The following NEDD4L variants were observed in gnomAD, a reference collection of about 807,000 sequenced individuals.
NEDD4L encodes E3 ubiquitin-protein ligase NEDD4-like.
In NEDD4L, 54 loss-of-function variants were observed where a neutral mutation model predicts 148.9. That is an observed-to-expected ratio of 0.36 (90% confidence interval 0.29 to 0.45). The LOEUF (loss-of-function observed/expected upper bound fraction) is 0.45, where lower values mean the gene tolerates loss of function less well. Ranked by LOEUF, NEDD4L falls within the 20% of genes least tolerant of loss-of-function variation. The pLI, the probability that NEDD4L is intolerant of heterozygous loss-of-function variation, is 1.00. For synonymous variants in NEDD4L, 433 were observed against 440.7 expected (o/e 0.98, Z 0.22); for missense variants, 856 against 1,233.8 (o/e 0.69, Z 4.59).
At chr18:58,354,101 G>T (rs2044275847) in intron 18 of NEDD4L, among the ~76,000 whole-genome samples, 1 of 152,190 alleles carries the variant, frequency 6.6e-6, no homozygotes, top group Admixed American at 6.5e-5. Context: ...TCCTTTGTTT[G>T]CTGTCTATGG....
At chr18:58,276,678 TATA>T (rs200793115) in intron 5 of NEDD4L, among the ~76,000 whole-genome samples, 3,739 of 141,080 alleles carry the variant, frequency 0.027, 150 homozygotes, top group African/African-American at 0.098. Flanking sequence ...TGTGGTCAGC[TATA>T]ATAATAATAA....
At chr18:58,303,282 T>G (rs574158342) in intron 5 of NEDD4L, among the ~76,000 whole-genome samples, 19 of 152,312 alleles carry the variant, frequency 1.2e-4, no homozygotes, top group African/African-American at 3.8e-4. Context: ...TCATTCTTAT[T>G]GTTTTTGGTA....
At chr18:58,225,320 A>G (rs768240388) in intron 2 of NEDD4L, among the ~76,000 whole-genome samples, 5 of 152,196 alleles carry the variant, frequency 3.3e-5, no homozygotes, top group Non-Finnish European at 5.9e-5. Flanking sequence ...GTTTAGCAAT[A>G]ACCAGGTTAG....
chr18:58,237,011 G>A (rs1002390284), intron 2 of NEDD4L, among the ~76,000 whole-genome samples: 4 of 151,394 alleles, frequency 2.6e-5, no homozygotes, highest in African/African-American at 9.7e-5. Context: ...CACCAATAGC[G>A]AAACTCCATC....
intron 5 of NEDD4L, among the ~76,000 whole-genome samples, chr18:58,315,682 T>G (rs1023545553): frequency 2.0e-5 from 3 of 152,180 alleles, no homozygotes; most frequent in African/African-American, 7.2e-5. Context: ...GGCCCAGCTG[T>G]GCCCTCAAAC....
At chr18:58,101,358 C>T (rs980263350) in intron 1 of NEDD4L, among the ~76,000 whole-genome samples, 1 of 152,182 alleles carries the variant, frequency 6.6e-6, no homozygotes, top group Non-Finnish European at 1.5e-5. Flanking sequence ...ATGTCCTCCT[C>T]AGGGTCTGTG....
intron 3 of NEDD4L, among the ~76,000 whole-genome samples, chr18:58,248,382 A>G (rs899782984): frequency 3.9e-5 from 6 of 152,234 alleles, no homozygotes; most frequent in Non-Finnish European, 8.8e-5. Context: ...GGAGAAAAAA[A>G]TAATTCACTT....
intron 2 of NEDD4L, among the ~76,000 whole-genome samples, chr18:58,231,941 C>T (rs1300122435): frequency 6.6e-6 from 1 of 152,170 alleles, no homozygotes; most frequent in South Asian, 2.1e-4. Context: ...AAAGGAAGGA[C>T]CCTGTGTTCT....
intron 1 of NEDD4L, among the ~76,000 whole-genome samples, chr18:58,135,623 A>G (rs1165470578): frequency 6.6e-6 from 1 of 152,262 alleles, no homozygotes; most frequent in Non-Finnish European, 1.5e-5. Context: ...CCTTTGGCAT[A>G]CTTGGCCACA....
At chr18:58,203,615 T>G (rs2041662376) in intron 2 of NEDD4L, among the ~76,000 whole-genome samples, 1 of 57,446 alleles carries the variant, frequency 1.7e-5, no homozygotes, top group Non-Finnish European at 2.8e-5. Context: ...ACAGATGATC[T>G]TTTTTTTTTT....
At chr18:58,093,852 A>G (rs528045904) in intron 1 of NEDD4L, among the ~76,000 whole-genome samples, 2 of 152,366 alleles carry the variant, frequency 1.3e-5, no homozygotes, top group East Asian at 3.9e-4. Flanking sequence ...GAGGAATTAT[A>G]CTGTCCATTG....
intron 1 of NEDD4L, among the ~76,000 whole-genome samples, chr18:58,092,846 C>T (rs371843254): frequency 2.7e-5 from 4 of 150,552 alleles, no homozygotes; most frequent in African/African-American, 9.8e-5. Context: ...CCATGTACTC[C>T]CTCTCTCTCT....
At chr18:58,071,696 TATAAA>T (rs1293191806) in intron 1 of NEDD4L, among the ~76,000 whole-genome samples, 1 of 152,228 alleles carries the variant, frequency 6.6e-6, no homozygotes, top group East Asian at 1.9e-4. Context: ...CTGAGTAATT[TATAAA>T]GGAAAGAGGT....
Position 58,300,859 on chromosome 18 carries a change from A to G in NEDD4L, c.298-15123A>G, listed in dbSNP as rs564042170. Among the ~76,000 whole-genome samples, 5 of 152,342 alleles carry G rather than the reference A, an allele frequency of 3.3e-5. No individual in the cohort carries two copies. In the South Asian group the frequency reaches 1.0e-3, roughly 32 times the overall value. On this transcript the variant is annotated intron_variant, in intron 5 of 30. Coordinates refer to ENST00000400345, the MANE Select transcript of NEDD4L (RefSeq NM_001144967.3). ...CAGATTCTAAATTGGAAGTATGTGC[A>G]TATTGCTTGATTTACAGATTATTAG...
intron 1 of NEDD4L, among the ~76,000 whole-genome samples, chr18:58,130,431 T>G (rs71355677): frequency 1.6e-4 from 20 of 127,358 alleles, no homozygotes; most frequent in Non-Finnish European, 1.7e-4. Flanking sequence ...GAACTGTGGC[T>G]GTGTTGGGCT....
chr18:58,269,969 C>A (rs765462768), intron 5 of NEDD4L, among the ~76,000 whole-genome samples: 10 of 152,188 alleles, frequency 6.6e-5, no homozygotes, highest in Non-Finnish European at 1.5e-4. Flanking sequence ...AAGAGCTTCT[C>A]TCCTAAAATA....
intron 1 of NEDD4L, among the ~76,000 whole-genome samples, chr18:58,143,977 A>G (rs530431564): frequency 2.8e-4 from 42 of 152,156 alleles, no homozygotes; most frequent in African/African-American, 4.6e-4. Flanking sequence ...TTTGATAGAA[A>G]CAGCAGGTGG....
intron 1 of NEDD4L, chr18:58,047,429 C>T (rs1429569987): frequency 5.1e-5 from 50 of 984,740 alleles, no homozygotes; most frequent in Non-Finnish European, 4.8e-5. Flanking sequence ...ATTGCATGAA[C>T]CCAGAAAACG....
At chr18:58,044,986 G>T in intron 1 of NEDD4L, 1 of 430,650 alleles carries the variant, frequency 2.3e-6, no homozygotes, top group South Asian at 6.1e-5. Context: ...GGAGAGGGAG[G>T]GGGCATGCGT....
Sources: allele counts gnomAD v4.1 joint callset (sites outside exome capture counted in the v4.1 genomes callset), GRCh38; gene constraint gnomAD v4.1.1; transcripts MANE v1.5; gene names NCBI Gene and HGNC (gene_info 2026-07-23, HGNC 2026-07-21).